Variants in KCNH8 observed in about 807,000 individuals in gnomAD.
KCNH8 encodes potassium voltage-gated channel subfamily H member 8, also known as voltage-gated delayed rectifier potassium channel KCNH8.
A neutral mutation model predicts 103.6 loss-of-function variants in KCNH8; 70 were observed. The observed-to-expected ratio is 0.68, with a 90% confidence interval of 0.56 to 0.82. KCNH8 has a LOEUF of 0.82. KCNH8 is among the 40% of genes least tolerant of loss of function. The probability of loss-of-function intolerance (pLI) is 0.00; values close to 1 mark genes in which losing one functional copy is unlikely to be tolerated. For missense variants in KCNH8, 1,217 were observed against 1,329.9 expected (o/e 0.92, Z 1.32); for synonymous variants, 498 against 489.4 (o/e 1.02, Z -0.23).
rs761655811 is a variant in KCNH8, at chr3:19,347,757, G to T, written c.603G>T (p.Glu201Asp). The change falls in exon 5 of 16, where the codon GAG (glutamate) becomes GAT (aspartate). Residue 201 changes from glutamate to aspartate, a missense_variant. Glu to Asp is a conservative substitution (Grantham distance 45). This residue lies in a region of KCNH8 where 244 missense variants were observed against 256.8 expected (regional missense o/e 0.95). Transcript: ENST00000328405. ...TTGTAGATAAACCAGCATTTCCGGAGTATAAAGTTTCTGATGCAAAAAAGT... is the reference window on the plus strand; with the variant it reads ...TTGTAGATAAACCAGCATTTCCGGATTATAAAGTTTCTGATGCAAAAAAGT... ...NVFVDKPAFP[E>D]YKVSDAKKSK... is the part of the protein sequence containing the mutation. 2 of 1,613,080 alleles carry T rather than the reference G, an allele frequency of 1.2e-6. No individual in the cohort carries two copies. Among genetic ancestry groups the T allele is most frequent in the Admixed American group, 3.3e-5 (2 of 59,910 alleles).
At chr3:19,301,758 A>C (rs2065067075) in intron 3 of KCNH8, among the ~76,000 whole-genome samples, 1 of 152,210 alleles carries the variant, frequency 6.6e-6, no homozygotes, top group Non-Finnish European at 1.5e-5. Flanking sequence ...CTCAGGTTAC[A>C]CACCCTTCTG....
intron 3 of KCNH8, among the ~76,000 whole-genome samples, chr3:19,330,585 T>G (rs1014183161): frequency 2.0e-5 from 3 of 152,170 alleles, no homozygotes; most frequent in Non-Finnish European, 4.4e-5. Context: ...AATTGTGCCA[T>G]TTGGGGGCAT....
At chr3:19,315,710 G>T (rs1296842076) in intron 3 of KCNH8, among the ~76,000 whole-genome samples, 1 of 151,862 alleles carries the variant, frequency 6.6e-6, no homozygotes, top group Non-Finnish European at 1.5e-5. Flanking sequence ...TACATCACCT[G>T]ACCTAAATGA....
chr3:19,166,156 GA>G (rs747209795), intron 1 of KCNH8, among the ~76,000 whole-genome samples: 4 of 152,048 alleles, frequency 2.6e-5, no homozygotes, highest in South Asian at 4.1e-4. Flanking sequence ...ATCTTTGGGG[GA>G]AAAATAACAC....
chr3:19,448,715 T>C (rs750865238), intron 8 of KCNH8, among the ~76,000 whole-genome samples: 4 of 152,110 alleles, frequency 2.6e-5, no homozygotes, highest in Non-Finnish European at 5.9e-5. Flanking sequence ...TTTGTACATG[T>C]ACATTTTGAT....
At chr3:19,165,614 C>T (rs1224838037) in intron 1 of KCNH8, among the ~76,000 whole-genome samples, 1 of 152,082 alleles carries the variant, frequency 6.6e-6, no homozygotes, top group East Asian at 1.9e-4. Context: ...TCCTGAGTAA[C>T]CTACTAAATA....
chr3:19,534,190 T>C lies in KCNH8; in HGVS notation c.*91T>C, dbSNP rs372180777. On this transcript the variant is annotated 3_prime_UTR_variant, in exon 16 of 16. Coordinates refer to ENST00000328405, the MANE Select transcript of KCNH8 (RefSeq NM_144633.3). ...TTTTGCCTCTGGTGGGCATGAAGACTGAGCAAAGCTGGGAATCCTGCAGAA... is the reference window on the plus strand; with the variant it reads ...TTTTGCCTCTGGTGGGCATGAAGACCGAGCAAAGCTGGGAATCCTGCAGAA... 1.1e-6 allele frequency: 1 copy of C among 899,872 alleles called. No homozygotes were observed. Among genetic ancestry groups the C allele is most frequent in the Non-Finnish European group, 1.7e-6 (1 of 589,526 alleles). 55.7% of individuals were successfully genotyped at this position (899,872 alleles called of 1,614,324 possible).
rs556779960 is a variant in KCNH8, at chr3:19,499,192, G to A, written c.2041-11171G>A. On this transcript the variant is annotated intron_variant, in intron 11 of 15. Transcript: ENST00000328405. ...ATCAACTGGAAGAAAGGGTATCAGC[G>A]ATAGAAGATGAAATGAATGAAATGA... Among the ~76,000 whole-genome samples the A allele has an allele frequency of 1.8e-3, 277 of 152,276 alleles. 1 individual carries two copies. Among genetic ancestry groups the A allele is most frequent in the Admixed American group, 3.9e-3 (60 of 15,292 alleles).
chr3:19,527,660 T>G (rs1274251969), intron 15 of KCNH8, among the ~76,000 whole-genome samples: 1 of 152,032 alleles, frequency 6.6e-6, no homozygotes. Context: ...ACAGCAGAAA[T>G]AGAAAAGCTG....
At chr3:19,480,828 CA>C (rs1383814159) in intron 11 of KCNH8, among the ~76,000 whole-genome samples, 1 of 151,860 alleles carries the variant, frequency 6.6e-6, no homozygotes, top group African/African-American at 2.4e-5. Context: ...TTCTTCATGC[CA>C]AAAAAACAAT....
intron 2 of KCNH8, among the ~76,000 whole-genome samples, chr3:19,261,580 C>A (rs1283395035): frequency 2.6e-5 from 4 of 151,596 alleles, no homozygotes; most frequent in Non-Finnish European, 4.4e-5. Context: ...CCTTGCTATG[C>A]AGAAGGTTTT....
chr3:19,342,646 C>G lies in KCNH8; in HGVS notation c.502C>G (p.Arg168Gly). 6.2e-7 allele frequency: 1 copy of G among 1,610,938 alleles called. No homozygotes were observed. Among genetic ancestry groups the G allele is most frequent in the Non-Finnish European group, 8.5e-7 (1 of 1,177,856 alleles). ...THFDSARRRS[R>G]AVLYHISGHL... ...CTTTGACTCAGCCCGGAGACGGAGTCGAGCAGTCCTTTATCACATCTCTGG... is the reference window on the plus strand; with the variant it reads ...CTTTGACTCAGCCCGGAGACGGAGTGGAGCAGTCCTTTATCACATCTCTGG... The change falls in exon 4 of 16, where the codon CGA becomes GGA. Residue 168 changes from arginine (R) to glycine (G), a missense_variant. Physicochemically the swap from Arg to Gly is moderately radical, Grantham distance 125. Coordinates refer to ENST00000328405, the MANE Select transcript of KCNH8 (RefSeq NM_144633.3).
At chr3:19,234,240 G>A (rs930325874) in intron 1 of KCNH8, among the ~76,000 whole-genome samples, 2 of 152,176 alleles carry the variant, frequency 1.3e-5, no homozygotes, top group African/African-American at 2.4e-5. Flanking sequence ...ATCCCGCACC[G>A]GGGCTGCAGG....
chr3:19,176,361 A>G (rs1317545230), intron 1 of KCNH8, among the ~76,000 whole-genome samples: 2 of 152,182 alleles, frequency 1.3e-5, no homozygotes, highest in Non-Finnish European at 2.9e-5. Context: ...GAGGCTCTAT[A>G]AACATGAGGT....
intron 7 of KCNH8, among the ~76,000 whole-genome samples, chr3:19,398,063 T>C (rs903060295): frequency 1.3e-5 from 2 of 152,138 alleles, no homozygotes; most frequent in African/African-American, 4.8e-5. Flanking sequence ...ATGTTGTTCC[T>C]TATGTTTGTG....
At chr3:19,525,064 T>C (rs1448549038) in intron 15 of KCNH8, among the ~76,000 whole-genome samples, 1 of 151,848 alleles carries the variant, frequency 6.6e-6, no homozygotes, top group South Asian at 2.1e-4. Context: ...TGAAAATTGC[T>C]AAAAGAGTAG....
At chr3:19,498,528 TC>T (rs2068497241) in intron 11 of KCNH8, among the ~76,000 whole-genome samples, 1 of 152,178 alleles carries the variant, frequency 6.6e-6, no homozygotes, top group East Asian at 1.9e-4. Flanking sequence ...GATATAAAAT[TC>T]TTGGTGGAAA....
chr3:19,483,508 T>C (rs375120579), intron 11 of KCNH8, among the ~76,000 whole-genome samples: 3 of 152,282 alleles, frequency 2.0e-5, no homozygotes, highest in East Asian at 3.9e-4. Context: ...ACTGGGTCTG[T>C]AGGTACTAAT....
intron 3 of KCNH8, among the ~76,000 whole-genome samples, chr3:19,332,758 G>C (rs2065528813): frequency 6.6e-6 from 1 of 152,006 alleles, no homozygotes; most frequent in Non-Finnish European, 1.5e-5. Flanking sequence ...TCAGGCTCCT[G>C]AGTAGCTGGG....
Sources: gnomAD v4.1 joint callset for allele counts (sites outside exome capture counted in the v4.1 genomes callset) on GRCh38, gnomAD v4.1.1 for gene constraint, gnomAD v4.1.1 regional missense constraint, MANE v1.5 for transcripts, NCBI Gene and HGNC (gene_info 2026-07-23, HGNC 2026-07-21) for gene names.